SNX9: variants seen among roughly 807,000 people sequenced by gnomAD.
The protein encoded by SNX9 is sorting nexin-9.
A neutral mutation model predicts 89.4 loss-of-function variants in SNX9; 44 were observed. The ratio of observed to expected loss-of-function variants is 0.49; its 90% CI spans 0.39 to 0.63. The LOEUF (loss-of-function observed/expected upper bound fraction) is 0.63. SNX9 is among the 30% of genes least tolerant of loss of function. SNX9 has a pLI of 0.00. For synonymous variants in SNX9, 236 were observed against 247.8 expected, an observed-to-expected ratio of 0.95 and a Z score of 0.45; for missense variants, 578 against 736.1, an observed-to-expected ratio of 0.79 and a Z score of 2.49.
At chr6:157,913,374 C>T (rs1210083255) in intron 9 of SNX9, among the ~76,000 whole-genome samples, 1 of 152,066 alleles carries the variant, frequency 6.6e-6, no homozygotes. Flanking sequence ...TGCAGTGGCA[C>T]AATCATAGCT....
chr6:157,863,467 AAAGG>A (rs1782189436), intron 1 of SNX9, among the ~76,000 whole-genome samples: 1 of 152,234 alleles, frequency 6.6e-6, no homozygotes, highest in Non-Finnish European at 1.5e-5. Flanking sequence ...ATACTTTTTG[AAAGG>A]AAGAGATTAG....
chr6:157,935,403 G>A (rs1187277609), intron 13 of SNX9, among the ~76,000 whole-genome samples: 1 of 152,178 alleles, frequency 6.6e-6, no homozygotes, highest in Non-Finnish European at 1.5e-5. Flanking sequence ...CTAATAGCCA[G>A]TGTGAAGAGA....
intron 1 of SNX9, among the ~76,000 whole-genome samples, chr6:157,850,840 T>C (rs1471646298): frequency 2.0e-5 from 3 of 152,252 alleles, no homozygotes; most frequent in Non-Finnish European, 4.4e-5. Flanking sequence ...GGGCCTGTGC[T>C]GGGGTGCACC....
chr6:157,888,086 G>A (rs970141161), intron 4 of SNX9, among the ~76,000 whole-genome samples: 7 of 151,406 alleles, frequency 4.6e-5, no homozygotes, highest in Admixed American at 4.6e-4. Context: ...CTGGGCTGTT[G>A]TGTCATTCAC....
intron 1 of SNX9, among the ~76,000 whole-genome samples, chr6:157,826,888 TATATATTATAGTTTATATAATATATAAA>T (rs1562586038): frequency 2.8e-4 from 21 of 75,170 alleles, no homozygotes; most frequent in Non-Finnish European, 3.8e-4. Context: ...AATATATAAA[TATATATTATAGTTTATATAATATATAAA>T]ATATATTATA....
chr6:157,901,436 TC>T (rs1783096095), intron 5 of SNX9, among the ~76,000 whole-genome samples: 1 of 152,214 alleles, frequency 6.6e-6, no homozygotes, highest in Admixed American at 6.5e-5. Context: ...AAGGAGCTTT[TC>T]CCCTGTGTTT....
intron 1 of SNX9, among the ~76,000 whole-genome samples, chr6:157,854,933 A>G (rs567369889): frequency 1.3e-5 from 2 of 149,148 alleles, no homozygotes; most frequent in South Asian, 4.2e-4. Flanking sequence ...AATTTTTTTG[A>G]CGGGATAATA....
intron 1 of SNX9, among the ~76,000 whole-genome samples, chr6:157,825,519 A>G (rs1781326772): frequency 6.6e-6 from 1 of 152,228 alleles, no homozygotes. Flanking sequence ...TTGATTAAAC[A>G]CGAGCCTTAA....
At chr6:157,867,271 G>A (rs926537976) in intron 1 of SNX9, among the ~76,000 whole-genome samples, 3 of 152,140 alleles carry the variant, frequency 2.0e-5, no homozygotes, top group Non-Finnish European at 2.9e-5. Flanking sequence ...GGTATATTTC[G>A]AGTAACTTTT....
chr6:157,825,205 G>A (rs554348690), intron 1 of SNX9, among the ~76,000 whole-genome samples: 45 of 152,228 alleles, frequency 3.0e-4, no homozygotes, highest in Non-Finnish European at 5.0e-4. Flanking sequence ...CCGAGATCGC[G>A]CCACTGCACT....
intron 6 of SNX9, among the ~76,000 whole-genome samples, chr6:157,902,946 G>C (rs1265806810): frequency 6.6e-6 from 1 of 151,884 alleles, no homozygotes; most frequent in African/African-American, 2.4e-5. Flanking sequence ...GGGATTACAG[G>C]CTTGAGCCAC....
At chr6:157,928,097 C>T (rs1362957522) in intron 11 of SNX9, among the ~76,000 whole-genome samples, 1 of 152,084 alleles carries the variant, frequency 6.6e-6, no homozygotes, top group African/African-American at 2.4e-5. Flanking sequence ...TTATAATCTG[C>T]TTTTTTCATC....
chr6:157,901,164 G>A (rs1783089343), intron 5 of SNX9, among the ~76,000 whole-genome samples: 1 of 152,140 alleles, frequency 6.6e-6, no homozygotes, highest in Admixed American at 6.5e-5. Flanking sequence ...GGCTCATTCT[G>A]GCAGTCCCAC....
At chr6:157,892,907 G>A (rs188785055) in intron 4 of SNX9, 1 of 152,302 alleles carries the variant, frequency 6.6e-6, no homozygotes, top group East Asian at 1.9e-4. Flanking sequence ...CGGAAGAGAG[G>A]TAGAGCTGTT....
rs199568656 is a variant in SNX9, at chr6:157,936,015, A to C, written c.1418A>C (p.Glu473Ala). The C allele has an allele frequency of 3.1e-6, 5 of 1,612,618 alleles. No individual in the cohort carries two copies. Among genetic ancestry groups the C allele is most frequent in the Admixed American group, 3.3e-5 (2 of 59,858 alleles). ...AITEAGKTYE[E>A]IASLVAEQPK... is the part of the protein sequence containing the mutation. Reference sequence around the variant, plus strand: ...ACAGAAGCAGGAAAGACTTATGAAGAAATTGCCAGTCTCGTGGCAGAACAG... The same window carrying C: ...ACAGAAGCAGGAAAGACTTATGAAGCAATTGCCAGTCTCGTGGCAGAACAG... Residue 473 changes from glutamate to alanine, a missense_variant, in exon 14 of 18, where the codon GAA becomes GCA. Physicochemically the swap from Glu to Ala is moderately radical, Grantham distance 107. This residue lies in a region of SNX9 where 348 missense variants were observed against 491.4 expected (regional missense o/e 0.71). Transcript: ENST00000392185.
chr6:157,903,014 G>A (rs1783138648), intron 6 of SNX9, among the ~76,000 whole-genome samples: 1 of 152,090 alleles, frequency 6.6e-6, no homozygotes, highest in African/African-American at 2.4e-5. Context: ...CTACTTAACA[G>A]GAAAGCATGT....
chr6:157,824,303 A>G (rs980595042), intron 1 of SNX9, among the ~76,000 whole-genome samples: 3 of 152,158 alleles, frequency 2.0e-5, no homozygotes, highest in African/African-American at 7.2e-5. Flanking sequence ...TACTTGATGT[A>G]GAATAGCCAC....
chr6:157,911,091 C>T (rs565303718), intron 9 of SNX9, among the ~76,000 whole-genome samples: 9 of 150,518 alleles, frequency 6.0e-5, no homozygotes, highest in East Asian at 3.9e-4. Context: ...CCAGCCCAGG[C>T]GACAGAGCGA....
chr6:157,824,325 C>T (rs1348995195), intron 1 of SNX9, among the ~76,000 whole-genome samples: 3 of 152,174 alleles, frequency 2.0e-5, no homozygotes, highest in Non-Finnish European at 4.4e-5. Flanking sequence ...GGGGAAGTCA[C>T]GGTCACGGAA....
Sources: allele counts gnomAD v4.1 joint callset (sites outside exome capture counted in the v4.1 genomes callset), GRCh38; gene constraint gnomAD v4.1.1; regional missense constraint gnomAD v4.1.1; transcripts MANE v1.5; gene names NCBI Gene and HGNC (gene_info 2026-07-23, HGNC 2026-07-21).